The following FOXP1 variants were observed in gnomAD, a reference collection of about 807,000 sequenced individuals.
FOXP1 encodes forkhead box P1.
A neutral mutation model predicts 98.2 loss-of-function variants in FOXP1; 15 were observed. The ratio of observed to expected loss-of-function variants is 0.15; its 90% CI spans 0.10 to 0.24. The LOEUF (loss-of-function observed/expected upper bound fraction) is 0.24, where lower values mean the gene tolerates loss of function less well. Among genes scored for constraint, FOXP1 ranks in the 10% least tolerant of loss-of-function variants. The probability of loss-of-function intolerance (pLI) is 1.00; values close to 1 mark genes in which losing one functional copy is unlikely to be tolerated. For synonymous variants in FOXP1, 371 were observed against 314.5 expected (o/e 1.18, Z -1.90); for missense variants, 633 against 848.5 (o/e 0.75, Z 3.15).
In FOXP1 at chr3:71,493,550, G is replaced by A. The variant is rs1480737568; in HGVS notation, c.-292C>T. On this transcript the variant is annotated 5_prime_UTR_variant, in exon 3 of 21. Coordinates refer to ENST00000649528, the MANE Select transcript of FOXP1 (RefSeq NM_001349338.3). ...ACTGGAATTGTCAACAAAAGCTTCT[G>A]GGACACTGCAACACAAAAATATTTT... 1 of 152,106 alleles carries A rather than the reference G, an allele frequency of 6.6e-6. No homozygotes were observed. The allele number at this position is 152,106 out of a possible 1,614,324, so 9.4% of individuals were successfully genotyped here.
At chr3:71,521,572 G>T (rs2042994989) in intron 2 of FOXP1, among the ~76,000 whole-genome samples, 1 of 151,750 alleles carries the variant, frequency 6.6e-6, no homozygotes, top group Non-Finnish European at 1.5e-5. Flanking sequence ...GTGAAGGACA[G>T]GGGCTCTGTT....
intron 13 of FOXP1, among the ~76,000 whole-genome samples, chr3:70,996,866 A>G (rs2041443938): frequency 6.6e-6 from 1 of 152,156 alleles, no homozygotes; most frequent in Admixed American, 6.5e-5. Context: ...CTGAAGAGAG[A>G]GGTCTTGTGA....
chr3:71,198,322 C>T lies in FOXP1; in HGVS notation c.60G>A (p.Ser20=), dbSNP rs1218550578. The T allele has an allele frequency of 3.1e-6, 5 of 1,613,392 alleles. No individual in the cohort carries two copies. The East Asian group carries it at 6.7e-5, about 22-fold the overall frequency. ...ACTCTAGTAAGTGGTTGCTGCCGCC[C>T]GACCCATTCTGGATGGCTGAACCGT... The part of the protein sequence containing the change: ...KSNGSAIQNG[S]GGSNHLLECG... The change falls in exon 6 of 21, where the codon TCG becomes TCA. Residue 20 remains serine, a synonymous_variant. Transcript: ENST00000649528.
intron 11 of FOXP1, among the ~76,000 whole-genome samples, chr3:71,016,539 T>C (rs148421467): frequency 1.3e-5 from 2 of 152,236 alleles, no homozygotes; most frequent in African/African-American, 2.4e-5. Flanking sequence ...AAAGCTAACA[T>C]TGAGAGTTCT....
chr3:71,260,737 T>G (rs777670165), intron 5 of FOXP1, among the ~76,000 whole-genome samples: 32 of 151,850 alleles, frequency 2.1e-4, no homozygotes, highest in Middle Eastern at 3.2e-3. Context: ...GAGACAGGGT[T>G]TCACTATGCT....
chr3:71,147,784 G>A (rs1312183617), intron 6 of FOXP1, among the ~76,000 whole-genome samples: 1 of 151,924 alleles, frequency 6.6e-6, no homozygotes, highest in Non-Finnish European at 1.5e-5. Context: ...TAGCCTTATC[G>A]GCATTTATTT....
At chr3:71,363,423 T>C (rs1475929640) in intron 3 of FOXP1, among the ~76,000 whole-genome samples, 1 of 152,188 alleles carries the variant, frequency 6.6e-6, no homozygotes, top group Non-Finnish European at 1.5e-5. Flanking sequence ...TTCCTAAACT[T>C]ACTCACTCTG....
chr3:70,972,268 GGAAAAA>G, intron 18 of FOXP1: 2 of 1,213,892 alleles, frequency 1.6e-6, no homozygotes, highest in Non-Finnish European at 2.2e-6. Context: ...ACAGGGAACA[GGAAAAA>G]GAAAATAAAA....
intron 7 of FOXP1, among the ~76,000 whole-genome samples, chr3:71,086,543 C>T (rs1036994805): frequency 6.6e-6 from 1 of 152,132 alleles, no homozygotes; most frequent in Non-Finnish European, 1.5e-5. Flanking sequence ...TTTCTAATCT[C>T]CAGTGTCTCT....
intron 3 of FOXP1, among the ~76,000 whole-genome samples, chr3:71,414,251 T>C (rs1275898055): frequency 6.6e-6 from 1 of 152,190 alleles, no homozygotes; most frequent in Non-Finnish European, 1.5e-5. Flanking sequence ...AGGCTCTGCT[T>C]TTTGGCCAGC....
intron 2 of FOXP1, among the ~76,000 whole-genome samples, chr3:71,539,215 C>T (rs147632342): frequency 2.0e-5 from 3 of 149,802 alleles, no homozygotes; most frequent in East Asian, 3.9e-4. Context: ...GGGTTCACGC[C>T]ATTCTCCTGC....
intron 2 of FOXP1, among the ~76,000 whole-genome samples, chr3:71,526,687 G>A (rs1275922586): frequency 6.6e-6 from 1 of 152,172 alleles, no homozygotes; most frequent in Non-Finnish European, 1.5e-5. Flanking sequence ...AACATTCCCA[G>A]CCAGGCACGG....
intron 7 of FOXP1, among the ~76,000 whole-genome samples, chr3:71,099,222 G>A (rs1044942362): frequency 5.3e-5 from 8 of 152,142 alleles, no homozygotes; most frequent in Admixed American, 3.9e-4. Flanking sequence ...TTTAAAAACA[G>A]CTTTTAGGTT....
At chr3:71,112,764 CA>C in intron 6 of FOXP1, 127 bp from the exon 7 acceptor site, 1 of 717,554 alleles carries the variant, frequency 1.4e-6, no homozygotes, top group African/African-American at 1.8e-5. Flanking sequence ...GCAAATGAAA[CA>C]GCAAATGAAA....
intron 3 of FOXP1, among the ~76,000 whole-genome samples, chr3:71,383,433 A>T (rs557472117): frequency 6.6e-6 from 1 of 152,372 alleles, no homozygotes; most frequent in African/African-American, 2.4e-5. Flanking sequence ...TTGTTGGTCT[A>T]GTATCAGAAA....
At chr3:71,157,031 C>T (rs976948614) in intron 6 of FOXP1, among the ~76,000 whole-genome samples, 1 of 152,168 alleles carries the variant, frequency 6.6e-6, no homozygotes, top group Non-Finnish European at 1.5e-5. Flanking sequence ...TCAGAGGGTA[C>T]AGGAAAAGCA....
At position 70,954,990 on chromosome 3, in the gene FOXP1, T is replaced by C. The variant is rs1238279563; in HGVS notation, c.*4257A>G. The C allele has an allele frequency of 1.3e-5, 3 of 232,396 alleles. No individual in the cohort carries two copies. Among genetic ancestry groups the C allele is most frequent in the East Asian group, 6.1e-5 (1 of 16,516 alleles). 14.4% of individuals were successfully genotyped at this position (232,396 alleles called of 1,614,324 possible). A position where few individuals can be genotyped will look rare whatever the true frequency, so the allele number is the denominator to read the frequency against. ...CATCAAGGCTTATGGGTAGCAGAGA[T>C]TGCGTGAGCTACACTGGGCCCAAGA... On this transcript the variant is annotated 3_prime_UTR_variant, in exon 21 of 21. Coordinates refer to ENST00000649528, the MANE Select transcript of FOXP1 (RefSeq NM_001349338.3).
intron 3 of FOXP1, among the ~76,000 whole-genome samples, chr3:71,397,230 T>C (rs1482126397): frequency 6.6e-6 from 1 of 150,956 alleles, no homozygotes; most frequent in Non-Finnish European, 1.5e-5. Context: ...GTCCCTGGAA[T>C]TGCATGAAGA....
At chr3:70,963,857 A>G (rs1297075792) in intron 20 of FOXP1, among the ~76,000 whole-genome samples, 1 of 152,216 alleles carries the variant, frequency 6.6e-6, no homozygotes, top group East Asian at 1.9e-4. Flanking sequence ...TCTGACTGTC[A>G]CAGAAAGGGT....
Sources: gnomAD v4.1 joint callset for allele counts (sites outside exome capture counted in the v4.1 genomes callset) on GRCh38, gnomAD v4.1.1 for gene constraint, MANE v1.5 for transcripts, NCBI Gene and HGNC (gene_info 2026-07-23, HGNC 2026-07-21) for gene names.